RAMP1: variants seen among roughly 807,000 people sequenced by gnomAD.
RAMP1 encodes receptor activity modifying protein 1.
In RAMP1, 7 loss-of-function variants were observed where a neutral mutation model predicts 8.2. That is an observed-to-expected ratio of 0.85 (90% CI 0.49 to 1.60). RAMP1 has a LOEUF of 1.60. RAMP1 is among the 40% of genes most tolerant of loss of function. RAMP1 has a pLI of 0.00. For synonymous variants in RAMP1, 92 were observed against 84.7 expected (o/e 1.09, Z -0.47); for missense variants, 192 against 202.4 (o/e 0.95, Z 0.31).
intron 1 of RAMP1, among the ~76,000 whole-genome samples, chr2:237,861,851 C>CAAA (rs11384578): frequency 7.2e-6 from 1 of 138,632 alleles, no homozygotes; most frequent in Non-Finnish European, 1.6e-5. Context: ...AACTCCGTCT[C>CAAA]AAAAAAAAAA....
intron 2 of RAMP1, among the ~76,000 whole-genome samples, chr2:237,898,956 A>G (rs1277076366): frequency 1.3e-5 from 2 of 152,204 alleles, no homozygotes; most frequent in African/African-American, 4.8e-5. Flanking sequence ...CAGAAACCAC[A>G]AGGGAGAAGC....
chr2:237,873,151 T>G (rs2062263449), intron 1 of RAMP1, among the ~76,000 whole-genome samples: 1 of 152,234 alleles, frequency 6.6e-6, no homozygotes, highest in African/African-American at 2.4e-5. Context: ...GGAATTTGCA[T>G]GAACTTGACC....
At chr2:237,886,706 C>T (rs1414694874) in intron 2 of RAMP1, among the ~76,000 whole-genome samples, 3 of 152,228 alleles carry the variant, frequency 2.0e-5, no homozygotes, top group Non-Finnish European at 4.4e-5. Context: ...GGTGACTTAG[C>T]GCGGAGCGTG....
At chr2:237,868,312 G>A (rs916726955) in intron 1 of RAMP1, among the ~76,000 whole-genome samples, 7 of 152,078 alleles carry the variant, frequency 4.6e-5, no homozygotes, top group African/African-American at 1.7e-4. Context: ...TCAAAGTGCT[G>A]GGATTACAGG....
intron 2 of RAMP1, among the ~76,000 whole-genome samples, chr2:237,886,890 G>C (rs1487213096): frequency 6.6e-6 from 1 of 152,204 alleles, no homozygotes; most frequent in Non-Finnish European, 1.5e-5. Flanking sequence ...AACACGTCTG[G>C]TGGCGGGGGC....
Position 237,882,120 on chromosome 2 carries a change from C to T in RAMP1, c.191+4758C>T, listed in dbSNP as rs1272308397. 2.0e-5 allele frequency among the ~76,000 whole-genome samples: 3 copies of T among 152,208 alleles called. No individual in the cohort carries two copies. The East Asian group carries it at 5.8e-4, about 29-fold the overall frequency. On this transcript the variant is annotated intron_variant, in intron 2 of 2. Transcript: ENST00000254661. ...TATCTTTTTCTGGATGCGCTACCCACTTGTCCCATTTATGCAAACGTCCAT... is the reference window on the plus strand; with the variant it reads ...TATCTTTTTCTGGATGCGCTACCCATTTGTCCCATTTATGCAAACGTCCAT...
chr2:237,891,446 A>G (rs2062488075), intron 2 of RAMP1, among the ~76,000 whole-genome samples: 1 of 152,198 alleles, frequency 6.6e-6, no homozygotes. Flanking sequence ...CACCGCGCCC[A>G]GCCCATTGTA....
chr2:237,860,105 G>C (rs1174566412), intron 1 of RAMP1: 1 of 172,146 alleles, frequency 5.8e-6, no homozygotes, highest in Non-Finnish European at 1.2e-5. Context: ...GCGCCGCGGT[G>C]ACTGCCAGCG....
At chr2:237,911,338 C>T (rs965012606) in intron 2 of RAMP1, among the ~76,000 whole-genome samples, 190 bp from the exon 3 acceptor site, 3 of 152,208 alleles carry the variant, frequency 2.0e-5, no homozygotes, top group Non-Finnish European at 2.9e-5. Flanking sequence ...CCATGCAGGT[C>T]GCCTTGGAGT....
chr2:237,902,318 G>GAA (rs1559953312), intron 2 of RAMP1, among the ~76,000 whole-genome samples: 33 of 145,332 alleles, frequency 2.3e-4, no homozygotes, highest in Non-Finnish European at 4.7e-4. Context: ...GCTGGGAGGA[G>GAA]GAGGGAGGGA....
At chr2:237,859,320 G>A (rs923092704), upstream of RAMP1, among the ~76,000 whole-genome samples, 4 of 152,228 alleles carry the variant, frequency 2.6e-5, no homozygotes, top group African/African-American at 9.6e-5. Flanking sequence ...TCCCCAGGTG[G>A]AGACCAAGGT....
In RAMP1 at chr2:237,911,744, G is replaced by C; in HGVS notation, c.408G>C (p.Leu136=). The C allele has an allele frequency of 1.2e-6, 2 of 1,612,842 alleles. No homozygotes were observed. The highest frequency in any genetic ancestry group is 1.3e-5 in the African/African-American group (1 of 75,042). ...PITVTLLVTA[L]VVWQSKRTEG... is the part of the protein sequence containing the mutation. The stretch of plus-strand genomic sequence containing the variant: ...CGGTGACCCTGCTGGTGACGGCACT[G>C]GTGGTCTGGCAGAGCAAGCGCACTG... Residue 136 remains leucine, a synonymous_variant, in exon 3 of 3, where the codon CTG becomes CTC. Transcript: ENST00000254661.
chr2:237,898,069 G>C (rs938720378), intron 2 of RAMP1, among the ~76,000 whole-genome samples: 1 of 152,224 alleles, frequency 6.6e-6, no homozygotes, highest in Admixed American at 6.5e-5. Flanking sequence ...ACAGTGCTGG[G>C]ATTGCAGGCG....
chr2:237,886,949 ACAG>A (rs1177789544), intron 2 of RAMP1, among the ~76,000 whole-genome samples: 3 of 152,188 alleles, frequency 2.0e-5, no homozygotes, highest in Non-Finnish European at 2.9e-5. Flanking sequence ...ACACTCGACT[ACAG>A]CAGCCACACC....
At chr2:237,900,564 A>C (rs1170452326) in intron 2 of RAMP1, among the ~76,000 whole-genome samples, 2 of 152,006 alleles carry the variant, frequency 1.3e-5, no homozygotes, top group African/African-American at 4.8e-5. Flanking sequence ...TATTTTGTTT[A>C]TTTTCATTTA....
rs2062334310 is a variant in RAMP1, at chr2:237,878,648, C to T, written c.191+1286C>T. 6.6e-6 allele frequency among the ~76,000 whole-genome samples: 1 copy of T among 152,254 alleles called. No homozygotes were observed. Reference sequence around the variant, plus strand: ...GAGTGGCCTCTGTTTTCTCCTCCCACCGGCCATGTGCTCTCTGCCCACTTC... The same window carrying T: ...GAGTGGCCTCTGTTTTCTCCTCCCATCGGCCATGTGCTCTCTGCCCACTTC... On this transcript the variant is annotated intron_variant, in intron 2 of 2. Coordinates refer to ENST00000254661, the MANE Select transcript of RAMP1 (RefSeq NM_005855.4). This position sits in a 1 kb window ranked among gnomAD's most constrained non-coding sequence, Gnocchi z 5.7.
At chr2:237,889,451 C>T (rs2062467624) in intron 2 of RAMP1, among the ~76,000 whole-genome samples, 1 of 152,138 alleles carries the variant, frequency 6.6e-6, no homozygotes, top group African/African-American at 2.4e-5. Flanking sequence ...TTTTGTGTTG[C>T]TTAATTTAAC....
rs373600202 is a variant in RAMP1 at position 237,864,590 on chromosome 2, C to G, written c.52+4863C>G. On this transcript the variant is annotated intron_variant, in intron 1 of 2. Transcript: ENST00000254661. Reference sequence around the variant, plus strand: ...ACACGGGACACACAGGGTCAGGACTCTCACACACGTGGGACACCCAGGGTC... The same window carrying G: ...ACACGGGACACACAGGGTCAGGACTGTCACACACGTGGGACACCCAGGGTC... 2.2e-4 allele frequency among the ~76,000 whole-genome samples: 33 copies of G among 152,290 alleles called. No individual in the cohort carries two copies. In the South Asian group the frequency reaches 6.2e-3, roughly 29 times the overall value.
At chr2:237,907,537 G>A (rs1035676338) in intron 2 of RAMP1, among the ~76,000 whole-genome samples, 1 of 137,540 alleles carries the variant, frequency 7.3e-6, no homozygotes, top group East Asian at 2.3e-4. Context: ...GTTCCAGTTT[G>A]GTTAATTTCT....
Sources: allele counts gnomAD v4.1 joint callset (sites outside exome capture counted in the v4.1 genomes callset), GRCh38; gene constraint gnomAD v4.1.1; non-coding constraint Gnocchi (gnomAD v3.1); transcripts MANE v1.5; gene names NCBI Gene and HGNC (gene_info 2026-07-23, HGNC 2026-07-21).